Variants in EXT2 observed in about 807,000 individuals in gnomAD.
The protein encoded by EXT2 is exostosin-2.
A neutral mutation model predicts 81.6 loss-of-function variants in EXT2; 53 were observed. That is an observed-to-expected ratio of 0.65 (90% CI 0.52 to 0.82). The LOEUF (loss-of-function observed/expected upper bound fraction) is 0.82, where lower values mean the gene tolerates loss of function less well. Ranked by LOEUF, EXT2 falls within the 40% of genes least tolerant of loss-of-function variation. The pLI, the probability that EXT2 is intolerant of heterozygous loss-of-function variation, is 0.00. For missense variants in EXT2, 774 were observed against 910.2 expected (o/e 0.85, Z 1.93); for synonymous variants, 320 against 340.0 (o/e 0.94, Z 0.65).
intron 13 of EXT2, among the ~76,000 whole-genome samples, chr11:44,238,429 G>A (rs376856698): frequency 3.0e-4 from 45 of 152,042 alleles, no homozygotes; most frequent in Non-Finnish European, 3.8e-4. Context: ...GTATCCTCTC[G>A]CCTGGGGCTC....
At chr11:44,225,957 G>C (rs889511023) in intron 10 of EXT2, among the ~76,000 whole-genome samples, 5 of 152,200 alleles carry the variant, frequency 3.3e-5, no homozygotes, top group African/African-American at 1.2e-4. Flanking sequence ...TGGTTATGCT[G>C]TCCAGTGAGC....
rs369657524 is a variant in EXT2 at position 44,158,997 on chromosome 11, G to T, written c.1174-12614G>T. Among the ~76,000 whole-genome samples the T allele has an allele frequency of 7.2e-5, 11 of 151,752 alleles. No individual in the cohort carries two copies. In the East Asian group the frequency reaches 1.9e-3, roughly 27 times the overall value. ...GGTAAGGTGTTTTCCCCTACCCCTG[G>T]CATCTATAGAGATTTTTTTTCTTTA... On this transcript the variant is annotated intron_variant, in intron 7 of 13. Coordinates refer to ENST00000533608, the MANE Select transcript of EXT2 (RefSeq NM_207122.2).
intron 10 of EXT2, among the ~76,000 whole-genome samples, chr11:44,210,487 G>C (rs1955634731): frequency 6.6e-6 from 1 of 152,158 alleles, no homozygotes. Context: ...TGCCTGGAAG[G>C]TAAGTGGGGA....
At chr11:44,118,417 CA>C (rs1373464163) in intron 4 of EXT2, among the ~76,000 whole-genome samples, 1 of 151,968 alleles carries the variant, frequency 6.6e-6, no homozygotes, top group Non-Finnish European at 1.5e-5. Context: ...TGAAAATTTC[CA>C]AACAGCAAAG....
At chr11:44,102,534 C>CTTTT (rs59752163) in intron 1 of EXT2, among the ~76,000 whole-genome samples, 12 of 106,162 alleles carry the variant, frequency 1.1e-4, no homozygotes, top group East Asian at 2.7e-4. Context: ...CTGTCTCTCT[C>CTTTT]TTTTTTTTTT....
intron 7 of EXT2, among the ~76,000 whole-genome samples, chr11:44,149,799 A>G (rs78630168): frequency 0.017 from 2,600 of 152,292 alleles, 76 homozygotes; most frequent in African/African-American, 0.06. Flanking sequence ...GTGCTTATAT[A>G]TGGGCCTTTG....
At chr11:44,118,540 A>C (rs981853778) in intron 4 of EXT2, among the ~76,000 whole-genome samples, 3 of 152,326 alleles carry the variant, frequency 2.0e-5, no homozygotes, top group Middle Eastern at 3.4e-3. Context: ...TCATCTCATT[A>C]GTCCACTAAA....
chr11:44,121,574 C>G (rs983867955), intron 4 of EXT2, among the ~76,000 whole-genome samples: 1 of 151,932 alleles, frequency 6.6e-6, no homozygotes, highest in Admixed American at 6.6e-5. Context: ...TCTGTTGCCC[C>G]CCTGCCCCCA....
At chr11:44,166,361 T>G (rs1035834213) in intron 7 of EXT2, among the ~76,000 whole-genome samples, 1 of 152,178 alleles carries the variant, frequency 6.6e-6, no homozygotes, top group Non-Finnish European at 1.5e-5. Flanking sequence ...TAACATGAAT[T>G]TAAGCAGGAT....
At chr11:44,181,177 G>A (rs561444348) in intron 8 of EXT2, among the ~76,000 whole-genome samples, 74 of 152,218 alleles carry the variant, frequency 4.9e-4, no homozygotes, top group Middle Eastern at 6.8e-3. Flanking sequence ...GTTGAGGTGG[G>A]TTTTCTTATG....
At chr11:44,128,576 G>A (rs1954443111) in intron 6 of EXT2, among the ~76,000 whole-genome samples, 2 of 152,318 alleles carry the variant, frequency 1.3e-5, no homozygotes, top group Admixed American at 6.5e-5. Flanking sequence ...GCTGTGACTG[G>A]ATGGGATGCC....
At chr11:44,162,607 C>T (rs1954942471) in intron 7 of EXT2, among the ~76,000 whole-genome samples, 1 of 149,052 alleles carries the variant, frequency 6.7e-6, no homozygotes, top group Admixed American at 6.7e-5. Flanking sequence ...GCAGTTACCA[C>T]TTTGCATAGC....
rs947704869 is a variant in EXT2, at chr11:44,133,153, T to G, written c.1173+3015T>G. 3.3e-5 allele frequency among the ~76,000 whole-genome samples: 5 copies of G among 152,346 alleles called. No individual in the cohort carries two copies. In the Middle Eastern group the frequency reaches 0.01, roughly 311 times the overall value. On this transcript the variant is annotated intron_variant, in intron 7 of 13. Transcript: ENST00000533608. The stretch of plus-strand genomic sequence containing the variant: ...GAGAACCACTGTTCTCTATAGATAG[T>G]TAATGTCTCATCTCTCTAAAATTAG...
intron 8 of EXT2, among the ~76,000 whole-genome samples, chr11:44,188,876 G>T (rs1240504799): frequency 1.3e-5 from 2 of 152,160 alleles, no homozygotes; most frequent in African/African-American, 2.4e-5. Flanking sequence ...AAGCCCTATT[G>T]AAAGGATCAG....
intron 9 of EXT2, among the ~76,000 whole-genome samples, chr11:44,204,481 C>T (rs766018268): frequency 6.6e-6 from 1 of 152,106 alleles, no homozygotes; most frequent in Non-Finnish European, 1.5e-5. Context: ...ATTTTGAAAA[C>T]CACCGGTCTG....
intron 8 of EXT2, among the ~76,000 whole-genome samples, chr11:44,185,042 A>T (rs1955291552): frequency 6.6e-6 from 1 of 152,236 alleles, no homozygotes; most frequent in African/African-American, 2.4e-5. Flanking sequence ...GTTGAGAAAG[A>T]AAAGTGACTT....
chr11:44,119,537 A>G (rs1243480506), intron 4 of EXT2, among the ~76,000 whole-genome samples: 3 of 152,214 alleles, frequency 2.0e-5, no homozygotes, highest in South Asian at 2.1e-4. Flanking sequence ...AGCTGATTGC[A>G]TAGGCTGTCT....
intron 10 of EXT2, among the ~76,000 whole-genome samples, chr11:44,227,953 C>A (rs1322900381): frequency 6.6e-6 from 1 of 152,196 alleles, no homozygotes; most frequent in Non-Finnish European, 1.5e-5. Context: ...TACTATGCAA[C>A]TTCACACAAT....
intron 8 of EXT2, among the ~76,000 whole-genome samples, chr11:44,184,152 G>T (rs929286109): frequency 3.3e-5 from 5 of 152,306 alleles, no homozygotes; most frequent in Admixed American, 3.3e-4. Flanking sequence ...CCCCAAACCT[G>T]CATGAGCCCC....
Sources: allele counts gnomAD v4.1 joint callset (sites outside exome capture counted in the v4.1 genomes callset), GRCh38; gene constraint gnomAD v4.1.1; transcripts MANE v1.5; gene names NCBI Gene and HGNC (gene_info 2026-07-23, HGNC 2026-07-21).